LRRC49: variants seen among roughly 807,000 people sequenced by gnomAD.
The protein encoded by LRRC49 is leucine rich repeat containing 49.
In LRRC49, 50 loss-of-function variants were observed where a neutral mutation model predicts 83.3. The observed-to-expected ratio is 0.60, with a 90% CI of 0.48 to 0.76. The LOEUF (loss-of-function observed/expected upper bound fraction) is 0.76, where lower values mean the gene tolerates loss of function less well. Ranked by LOEUF, LRRC49 falls within the 30% of genes least tolerant of loss-of-function variation. The pLI is 0.00. For missense variants in LRRC49, 704 were observed against 809.1 expected (o/e 0.87, Z 1.58); for synonymous variants, 286 against 283.3 (o/e 1.01, Z -0.10).
At chr15:70,933,212 A>C (rs2035477461) in intron 7 of LRRC49, among the ~76,000 whole-genome samples, 1 of 152,152 alleles carries the variant, frequency 6.6e-6, no homozygotes, top group African/African-American at 2.4e-5. Flanking sequence ...AAATACATAA[A>C]ATAGTTTTGA....
intron 14 of LRRC49, among the ~76,000 whole-genome samples, chr15:71,033,102 T>C (rs911458046): frequency 1.3e-5 from 2 of 152,178 alleles, no homozygotes; most frequent in East Asian, 1.9e-4. Context: ...TGGTCCTATA[T>C]CTAGAAAACC....
upstream of LRRC49, chr15:70,892,194 G>A (rs146694903): frequency 2.6e-4 from 412 of 1,607,666 alleles, 5 homozygotes; most frequent in Middle Eastern, 1.3e-3. Flanking sequence ...CGCACGGCCC[G>A]GTCCTTGGGA....
chr15:70,955,807 A>G (rs1305455709), intron 8 of LRRC49, among the ~76,000 whole-genome samples: 1 of 152,144 alleles, frequency 6.6e-6, no homozygotes, highest in Non-Finnish European at 1.5e-5. Context: ...GAATACAAAC[A>G]CCTGTATTAT....
rs1275377468 is a variant in LRRC49 at position 70,984,149 on chromosome 15, AACG to A, written c.1063_1065del (p.Arg355del). ...GCTCGACAGTGGGACTTGCAACAAC[AACG>A]AGTAGCCAATATTGCTACAAATGAA... On this transcript the variant is annotated inframe_deletion, in exon 11 of 16. Coordinates refer to ENST00000260382, the MANE Select transcript of LRRC49 (RefSeq NM_017691.5). 5 of 1,382,864 alleles carry A rather than the reference AACG, an allele frequency of 3.6e-6. No individual in the cohort carries two copies. Among genetic ancestry groups the A allele is most frequent in the Admixed American group, 1.7e-5 (1 of 57,730 alleles). The allele number at this position is 1,382,864 out of a possible 1,614,324, so 85.7% of individuals were successfully genotyped here.
chr15:70,877,035 G>A (rs1368699993), intron 2 of LRRC49, among the ~76,000 whole-genome samples: 4 of 152,028 alleles, frequency 2.6e-5, no homozygotes, highest in Non-Finnish European at 4.4e-5. Context: ...TTATGCATCC[G>A]TGTCTCTACT....
chr15:70,921,891 A>G (rs1471074678), intron 7 of LRRC49, among the ~76,000 whole-genome samples: 1 of 151,246 alleles, frequency 6.6e-6, no homozygotes, highest in Non-Finnish European at 1.5e-5. Context: ...TTTGATGTAG[A>G]AAAGTTATTG....
chr15:71,044,760 T>G (rs1366461392), intron 15 of LRRC49, among the ~76,000 whole-genome samples: 2 of 151,970 alleles, frequency 1.3e-5, no homozygotes, highest in African/African-American at 4.8e-5. Flanking sequence ...CACTCTAGCC[T>G]GGGCAGCAGA....
chr15:70,880,557 AC>A (rs971022495), intron 2 of LRRC49, among the ~76,000 whole-genome samples: 4 of 152,228 alleles, frequency 2.6e-5, no homozygotes, highest in African/African-American at 4.8e-5. Context: ...CAAAAATCAA[AC>A]AATATAATAT....
At chr15:71,022,260 C>G (rs928614031) in intron 14 of LRRC49, among the ~76,000 whole-genome samples, 1 of 152,054 alleles carries the variant, frequency 6.6e-6, no homozygotes, top group African/African-American at 2.4e-5. Flanking sequence ...GTAATCCCAG[C>G]TACTCAGGAG....
intron 11 of LRRC49, among the ~76,000 whole-genome samples, chr15:70,994,680 G>T (rs1480509473): frequency 6.6e-6 from 1 of 152,038 alleles, no homozygotes; most frequent in African/African-American, 2.4e-5. Context: ...TTGCCATGTT[G>T]CCCAGGCTGG....
chr15:71,021,381 G>A (rs1383553540), intron 14 of LRRC49, among the ~76,000 whole-genome samples: 1 of 152,024 alleles, frequency 6.6e-6, no homozygotes, highest in Non-Finnish European at 1.5e-5. Flanking sequence ...CAAATAATAA[G>A]CAAATATATA....
Position 70,919,105 on chromosome 15 carries a change from C to A in LRRC49, c.623C>A (p.Ala208Asp). 1 of 1,611,548 alleles carries A rather than the reference C, an allele frequency of 6.2e-7. No individual in the cohort carries two copies. Among genetic ancestry groups the A allele is most frequent in the Non-Finnish European group, 8.5e-7 (1 of 1,178,162 alleles). Reference protein sequence around the residue: ...HLCELRVLNLARNFLSHVDNL... With the variant: ...HLCELRVLNLDRNFLSHVDNL... ...TGTGAGTTGAGAGTTTTAAATCTTG[C>A]CAGGAACTTTTTAAGTCATGTTGAT... is the stretch of plus-strand genomic sequence containing the variant. The change falls in exon 7 of 16, where the codon GCC becomes GAC. Residue 208 changes from alanine (A) to aspartate (D), a missense_variant. Around this residue, in one of 3 missense-constraint regions of LRRC49, gnomAD observed 261 missense variants for 330.5 expected, o/e 0.79. Coordinates refer to ENST00000260382, the MANE Select transcript of LRRC49 (RefSeq NM_017691.5).
intron 1 of LRRC49, among the ~76,000 whole-genome samples, chr15:70,863,211 C>A (rs767644051): frequency 2.6e-5 from 4 of 152,168 alleles, no homozygotes; most frequent in Non-Finnish European, 4.4e-5. Flanking sequence ...AATGTATAGT[C>A]CTGCATCTTC....
Position 71,039,076 on chromosome 15 carries a change from T to A in LRRC49, c.1857+1744T>A, listed in dbSNP as rs1308322474. On this transcript the variant is annotated intron_variant, in intron 15 of 15. Coordinates refer to ENST00000260382, the MANE Select transcript of LRRC49 (RefSeq NM_017691.5). ...TAGAAAAAATGATGGCCGATATGAGTCTTAAAAGATAAAATATAGCTATAT... is the reference window on the plus strand; with the variant it reads ...TAGAAAAAATGATGGCCGATATGAGACTTAAAAGATAAAATATAGCTATAT... Among the ~76,000 whole-genome samples, 7 of 151,728 alleles carry A rather than the reference T, an allele frequency of 4.6e-5. No homozygotes were observed. In the East Asian group the frequency reaches 1.4e-3, roughly 29 times the overall value.
chr15:70,927,411 C>G (rs1313159944), intron 7 of LRRC49, among the ~76,000 whole-genome samples: 1 of 151,868 alleles, frequency 6.6e-6, no homozygotes, highest in Non-Finnish European at 1.5e-5. Flanking sequence ...TGTATTTTCT[C>G]CATGTAAAAA....
intron 11 of LRRC49, among the ~76,000 whole-genome samples, chr15:71,007,543 G>A (rs1326860106): frequency 6.6e-6 from 1 of 151,624 alleles, no homozygotes; most frequent in Non-Finnish European, 1.5e-5. Flanking sequence ...AAGTTTTGAG[G>A]TTGGGTAAAA....
At chr15:70,938,472 G>A (rs560975803) in intron 8 of LRRC49, among the ~76,000 whole-genome samples, 49 of 152,158 alleles carry the variant, frequency 3.2e-4, no homozygotes, top group African/African-American at 1.0e-3. Context: ...TGTTTCCAGC[G>A]GATCTGCTTT....
chr15:70,853,756 G>T, intron 1 of LRRC49: 1 of 624,304 alleles, frequency 1.6e-6, no homozygotes, highest in Non-Finnish European at 2.2e-6. Context: ...TCGGCCCGGA[G>T]CTGCTTCCCC....
At chr15:71,026,579 C>T (rs1156662744) in intron 14 of LRRC49, among the ~76,000 whole-genome samples, 1 of 152,148 alleles carries the variant, frequency 6.6e-6, no homozygotes, top group Non-Finnish European at 1.5e-5. Context: ...GAGCAAGACC[C>T]TATTTCTCCA....
Sources: gnomAD v4.1 joint callset for allele counts (sites outside exome capture counted in the v4.1 genomes callset) on GRCh38, gnomAD v4.1.1 for gene constraint, gnomAD v4.1.1 regional missense constraint, MANE v1.5 for transcripts, NCBI Gene and HGNC (gene_info 2026-07-23, HGNC 2026-07-21) for gene names.